ZNF365: variants seen among roughly 807,000 people sequenced by gnomAD.
ZNF365 encodes the protein protein ZNF365.
Under a neutral mutation model 35.0 loss-of-function variants are expected in ZNF365, and 22 were observed. The ratio of observed to expected loss-of-function variants is 0.63; its 90% confidence interval spans 0.45 to 0.90. ZNF365 has a LOEUF of 0.90. Among genes scored for constraint, ZNF365 ranks in the 40% least tolerant of loss-of-function variants. ZNF365 has a pLI of 0.00. For missense variants in ZNF365, 448 were observed against 500.3 expected, an observed-to-expected ratio of 0.90 and a Z score of 1.00; for synonymous variants, 188 against 196.2, an observed-to-expected ratio of 0.96 and a Z score of 0.35.
At chr10:62,446,442 G>T (rs574508500) in intron 3 of ZNF365, among the ~76,000 whole-genome samples, 1 of 152,140 alleles carries the variant, frequency 6.6e-6, no homozygotes, top group Non-Finnish European at 1.5e-5. Flanking sequence ...TATTAAATGA[G>T]CTACTATATG....
In ZNF365 at chr10:62,374,741, C is replaced by T. The variant is rs183818768; in HGVS notation, c.-14+283C>T. Among the ~76,000 whole-genome samples the T allele has an allele frequency of 5.8e-3, 883 of 152,314 alleles. 4 individuals carry two copies. Among genetic ancestry groups the T allele is most frequent in the Non-Finnish European group, 9.4e-3 (641 of 68,018 alleles). ...AGTCACTTAGGGCTCTTCATCAGCC[C>T]AGTGGACTGGGTTTCCTCTGGGCCC... On this transcript the variant is annotated intron_variant, in intron 1 of 4. Coordinates refer to ENST00000395254, the MANE Select transcript of ZNF365 (RefSeq NM_014951.3).
intron 4 of ZNF365, among the ~76,000 whole-genome samples, chr10:62,470,499 G>A (rs377347624): frequency 1.5e-3 from 224 of 152,340 alleles, no homozygotes; most frequent in African/African-American, 5.2e-3. Flanking sequence ...GGATAAGGAG[G>A]GACACTGACA....
chr10:62,403,172 T>C (rs1213611764), downstream of ZNF365, among the ~76,000 whole-genome samples: 1 of 152,218 alleles, frequency 6.6e-6, no homozygotes, highest in Non-Finnish European at 1.5e-5. Context: ...TACCGTATTC[T>C]TACAATCAAA....
chr10:62,412,852 A>G (rs1840008150), intron 3 of ZNF365, among the ~76,000 whole-genome samples: 1 of 152,188 alleles, frequency 6.6e-6, no homozygotes, highest in Non-Finnish European at 1.5e-5. Context: ...TACCAAAAGT[A>G]ATTTATAGAT....
chr10:62,388,334 T>C, intron 2 of ZNF365, 62 bp from the exon 3 acceptor site: 2 of 1,594,420 alleles, frequency 1.3e-6, no homozygotes, highest in South Asian at 1.1e-5. Flanking sequence ...TAAATATGTG[T>C]TGAATGAGTG....
At chr10:62,424,371 G>A (rs937871344) in intron 3 of ZNF365, among the ~76,000 whole-genome samples, 1 of 152,184 alleles carries the variant, frequency 6.6e-6, no homozygotes, top group Non-Finnish European at 1.5e-5. Context: ...GAGAATTGAA[G>A]CACGATGCTC....
chr10:62,378,418 AG>A (rs1220969092), intron 2 of ZNF365, among the ~76,000 whole-genome samples: 1 of 152,180 alleles, frequency 6.6e-6, no homozygotes, highest in Admixed American at 6.5e-5. Flanking sequence ...CTGGGGTAGT[AG>A]TTGCCTGGAG....
In ZNF365 at chr10:62,383,077, G is replaced by C. The variant is rs986939208; in HGVS notation, c.744-5319G>C. 3.9e-5 allele frequency among the ~76,000 whole-genome samples: 6 copies of C among 151,914 alleles called. No individual in the cohort carries two copies. In the South Asian group the frequency reaches 6.2e-4, roughly 16 times the overall value. On this transcript the variant is annotated intron_variant, in intron 2 of 4. Transcript: ENST00000395254. ...GGTTTTATGCCCCAGTACTTGTCTG[G>C]AAAAAGGAAAAAAGAAACTTAAGGA...
chr10:62,375,333 AC>A (rs1839302872), intron 1 of ZNF365, among the ~76,000 whole-genome samples: 1 of 152,174 alleles, frequency 6.6e-6, no homozygotes, highest in African/African-American at 2.4e-5. Context: ...CTGAGACAAG[AC>A]AAATCCGTCC....
At chr10:62,439,876 TATC>T (rs758589635) in intron 3 of ZNF365, among the ~76,000 whole-genome samples, 2 of 152,190 alleles carry the variant, frequency 1.3e-5, no homozygotes, top group Non-Finnish European at 2.9e-5. Flanking sequence ...CCCTCAAAAA[TATC>T]ATCTCACTTT....
At chr10:62,388,269 G>C (rs535922655) in intron 2 of ZNF365, 127 bp from the exon 3 acceptor site, 1 of 940,380 alleles carries the variant, frequency 1.1e-6, no homozygotes, top group Non-Finnish European at 1.6e-6. Flanking sequence ...TACCTCTCTC[G>C]TCATTGCCAT....
intron 3 of ZNF365, among the ~76,000 whole-genome samples, chr10:62,419,061 T>C (rs1401603769): frequency 6.6e-6 from 1 of 152,074 alleles, no homozygotes; most frequent in African/African-American, 2.4e-5. Context: ...TGACTTCAAG[T>C]TTGCTTTCCT....
intron 3 of ZNF365, among the ~76,000 whole-genome samples, chr10:62,453,365 A>G (rs1399041168): frequency 1.3e-5 from 2 of 152,230 alleles, no homozygotes; most frequent in African/African-American, 2.4e-5. Context: ...GTTCCCACTT[A>G]TAAGACAGAA....
chr10:62,402,445 G>T lies in ZNF365; in HGVS notation c.*2656G>T. ...ATTATGATAATAAAGCTATATTTCT[G>T]ACTAATGTGTTGATATGTTTTGTCT... On this transcript the variant is annotated 3_prime_UTR_variant, in exon 5 of 5. Coordinates refer to ENST00000395254, the MANE Select transcript of ZNF365 (RefSeq NM_014951.3). The T allele has an allele frequency of 1.0e-6, 1 of 985,122 alleles. No homozygotes were observed. Among genetic ancestry groups the T allele is most frequent in the South Asian group, 4.7e-5 (1 of 21,264 alleles). The allele number at this position is 985,122 out of a possible 1,614,324, so 61.0% of individuals were successfully genotyped here.
At chr10:62,479,883 C>T (rs779459542) in exon 5 of ZNF365, 4 of 1,611,438 alleles carry the variant, frequency 2.5e-6, no homozygotes, top group Admixed American at 1.7e-5. Context: ...TAGGAGTCTG[C>T]GATTGTGGAA....
At chr10:62,403,671 A>G (rs1272309428), downstream of ZNF365, among the ~76,000 whole-genome samples, 2 of 152,068 alleles carry the variant, frequency 1.3e-5, no homozygotes, top group African/African-American at 4.8e-5. Context: ...AAAAACAAAA[A>G]CAACAGCAAC....
At chr10:62,391,098 C>T (rs748118663) in intron 3 of ZNF365, among the ~76,000 whole-genome samples, 6 of 152,124 alleles carry the variant, frequency 3.9e-5, no homozygotes, top group Non-Finnish European at 5.9e-5. Flanking sequence ...TTAACCTTAG[C>T]TTACTATAAC....
chr10:62,450,255 CT>C lies in ZNF365; in HGVS notation c.925-9484del, dbSNP rs1163580396. Among the ~76,000 whole-genome samples the C allele has an allele frequency of 2.0e-5, 3 of 152,270 alleles. No homozygotes were observed. In the East Asian group the frequency reaches 5.8e-4, roughly 29 times the overall value. Reference sequence around the variant, plus strand: ...AACGATAGCTAATAATGTTTAAGTGCTTGCTGTGTGCTAAGTACTGTGCAAA... The same window carrying C: ...AACGATAGCTAATAATGTTTAAGTGCTGCTGTGTGCTAAGTACTGTGCAAA... On this transcript the variant is annotated intron_variant, in intron 3 of 4. Transcript: ENST00000395255.
intron 3 of ZNF365, among the ~76,000 whole-genome samples, chr10:62,451,751 C>G (rs1248174389): frequency 4.6e-5 from 7 of 152,156 alleles, no homozygotes; most frequent in African/African-American, 1.4e-4. Context: ...AAAAGGGCTT[C>G]CCCTGTGTCT....
Sources: gnomAD v4.1 joint callset for allele counts (sites outside exome capture counted in the v4.1 genomes callset) on GRCh38, gnomAD v4.1.1 for gene constraint, MANE v1.5 for transcripts, NCBI Gene and HGNC (gene_info 2026-07-23, HGNC 2026-07-21) for gene names.